The following COL4A5 variants were observed in gnomAD, a reference collection of about 807,000 sequenced individuals.
COL4A5 encodes collagen alpha-5(IV) chain.
Under a neutral mutation model 130.2 loss-of-function variants are expected in COL4A5, and 26 were observed. The ratio of observed to expected loss-of-function variants is 0.20; its 90% CI spans 0.15 to 0.28. COL4A5 has a LOEUF of 0.28. Ranked by LOEUF, COL4A5 falls within the 10% of genes least tolerant of loss-of-function variation. The pLI, the probability that COL4A5 is intolerant of heterozygous loss-of-function variation, is 1.00. For synonymous variants in COL4A5, 496 were observed against 439.6 expected, an observed-to-expected ratio of 1.13 and a Z score of -1.60; for missense variants, 1,131 against 1,344.3, an observed-to-expected ratio of 0.84 and a Z score of 2.48.
At chrX:108,607,537 G>T (rs2066755123) in intron 29 of COL4A5, among the ~76,000 whole-genome samples, 1 of 87,579 alleles carries the variant, frequency 1.1e-5, no homozygotes, top group Admixed American at 1.4e-4. Context: ...AGGCTGGAGT[G>T]CAATGGCGTG....
At chrX:108,624,024 CACT>C (rs1246373618) in intron 33 of COL4A5, among the ~76,000 whole-genome samples, 1 of 111,915 alleles carries the variant, frequency 8.9e-6, no homozygotes, top group East Asian at 2.8e-4. Flanking sequence ...AAAGTGATTT[CACT>C]ACTGAGTGCT....
chrX:108,525,859 G>A (rs1443911302), intron 1 of COL4A5, among the ~76,000 whole-genome samples: 1 of 111,315 alleles, frequency 9.0e-6, no homozygotes, highest in Non-Finnish European at 1.9e-5. Context: ...CACTAAGCAG[G>A]AAGAATAGCC....
chrX:108,638,601 T>A (rs1353080091), intron 36 of COL4A5, among the ~76,000 whole-genome samples: 3 of 111,811 alleles, frequency 2.7e-5, no homozygotes, highest in Non-Finnish European at 5.7e-5. Flanking sequence ...ATAAAAGTCA[T>A]CTTAATTGGA....
intron 44 of COL4A5, among the ~76,000 whole-genome samples, chrX:108,677,945 A>T (rs1399584249): frequency 8.9e-6 from 1 of 111,876 alleles, no homozygotes; most frequent in Non-Finnish European, 1.9e-5. Flanking sequence ...AGCATTGCAT[A>T]TAGATGAATC....
chrX:108,599,354 A>G (rs1415752527), intron 25 of COL4A5, among the ~76,000 whole-genome samples: 3 of 111,394 alleles, frequency 2.7e-5, no homozygotes, highest in Non-Finnish European at 5.7e-5. Context: ...TTTGAACTTC[A>G]TGTTAAAGGA....
intron 22 of COL4A5, among the ~76,000 whole-genome samples, chrX:108,596,257 G>T (rs749641894): frequency 1.8e-5 from 2 of 112,012 alleles, no homozygotes; most frequent in South Asian, 7.5e-4. Flanking sequence ...TGGAGGTTGG[G>T]AATACTTTCA....
chrX:108,473,599 ATATATATATATATG>A (rs2064797372), intron 1 of COL4A5, among the ~76,000 whole-genome samples: 2 of 58,406 alleles, frequency 3.4e-5, no homozygotes, highest in Non-Finnish European at 7.1e-5. Flanking sequence ...AAAGTTTTAT[ATATATATATATATG>A]TATATATATA....
intron 3 of COL4A5, 51 bp downstream of exon 3, chrX:108,559,204 A>T (rs753822788): frequency 1.1e-6 from 1 of 938,652 alleles, no homozygotes; most frequent in Admixed American, 2.2e-5. Context: ...AGTCATCTTA[A>T]ATGTGGGACT....
At chrX:108,692,312 T>G (rs190987432) in intron 49 of COL4A5, among the ~76,000 whole-genome samples, 6 of 111,055 alleles carry the variant, frequency 5.4e-5, no homozygotes, top group Admixed American at 2.9e-4. Flanking sequence ...ATTACTATTG[T>G]CCCTAGGCCT....
rs767022384 is a variant in COL4A5, at chrX:108,553,747, C to T, written c.142-5317C>T. Among the ~76,000 whole-genome samples, 5 of 111,883 alleles carry T rather than the reference C, an allele frequency of 4.5e-5. No homozygotes were observed. The South Asian group carries it at 1.5e-3, about 34-fold the overall frequency. On this transcript the variant is annotated intron_variant, in intron 2 of 52. Coordinates refer to ENST00000328300, the MANE Select transcript of COL4A5 (RefSeq NM_033380.3). ...GGCATTTACCCATGAGACATCAAAG[C>T]GTATGCCTATAAAAACTTGTACTTG...
At chrX:108,456,320 G>T (rs1244751909) in intron 1 of COL4A5, among the ~76,000 whole-genome samples, 1 of 111,356 alleles carries the variant, frequency 9.0e-6, no homozygotes, top group African/African-American at 3.3e-5. Flanking sequence ...TTTTCTTATG[G>T]TATGATTTAC....
In COL4A5 at chrX:108,606,991, C is replaced by T. The variant is rs901746538; in HGVS notation, c.2395+99C>T. The T allele has an allele frequency of 7.0e-5, 59 of 848,414 alleles. No homozygotes were observed. In the African/African-American group the frequency reaches 1.2e-3, roughly 17 times the overall value. The allele number at this position is 848,414 out of a possible 1,213,427, so 69.9% of individuals were successfully genotyped here. ...GGTGATAAGCCCAATTAACTGGAAA[C>T]CCTATGCTGCCATTCTGTTACTGCT... On this transcript the variant is annotated intron_variant, in intron 29 of 52. Coordinates refer to ENST00000328300, the MANE Select transcript of COL4A5 (RefSeq NM_033380.3).
chrX:108,608,873 T>C (rs60223265), intron 29 of COL4A5, among the ~76,000 whole-genome samples: 11,610 of 111,370 alleles, frequency 0.1, 1,305 homozygotes, highest in African/African-American at 0.34. Flanking sequence ...GCCTGTTAAC[T>C]CCTTATAAAT....
At chrX:108,648,476 G>C (rs1045761646) in intron 36 of COL4A5, among the ~76,000 whole-genome samples, 1 of 110,575 alleles carries the variant, frequency 9.0e-6, no homozygotes, top group African/African-American at 3.3e-5. Context: ...TAACATCGAT[G>C]CTAAGATCCT....
chrX:108,583,716 A>T (rs963655784), intron 17 of COL4A5, among the ~76,000 whole-genome samples: 1 of 111,478 alleles, frequency 9.0e-6, no homozygotes, highest in African/African-American at 3.2e-5. Flanking sequence ...ACTCCGATAA[A>T]ATGATTTTTT....
At chrX:108,550,727 ATT>A (rs899178925) in intron 2 of COL4A5, among the ~76,000 whole-genome samples, 1 of 110,848 alleles carries the variant, frequency 9.0e-6, no homozygotes, top group African/African-American at 3.3e-5. Flanking sequence ...GGAAGAAATA[ATT>A]TTTTTTGTTT....
At chrX:108,464,320 A>G (rs1382250299) in intron 1 of COL4A5, among the ~76,000 whole-genome samples, 1 of 111,939 alleles carries the variant, frequency 8.9e-6, no homozygotes, top group South Asian at 3.7e-4. Context: ...TATTTTATAT[A>G]TTAAAAACAA....
At chrX:108,532,487 A>G (rs965881045) in intron 1 of COL4A5, among the ~76,000 whole-genome samples, 96 of 111,880 alleles carry the variant, frequency 8.6e-4, no homozygotes, top group African/African-American at 3.0e-3. Flanking sequence ...AAATGAAGAA[A>G]AGCTGAAATC....
At chrX:108,655,812 G>T (rs1280673080) in intron 37 of COL4A5, among the ~76,000 whole-genome samples, 3 of 112,465 alleles carry the variant, frequency 2.7e-5, no homozygotes, top group East Asian at 2.8e-4. Context: ...TCTTAGAAAG[G>T]TATGCCCAGG....
Sources: gnomAD v4.1 joint callset for allele counts (sites outside exome capture counted in the v4.1 genomes callset) on GRCh38, gnomAD v4.1.1 for gene constraint, MANE v1.5 for transcripts, NCBI Gene and HGNC (gene_info 2026-07-23, HGNC 2026-07-21) for gene names.